PCGF3: variants seen among roughly 807,000 people sequenced by gnomAD.
The protein encoded by PCGF3 is polycomb group ring finger 3.
Under a neutral mutation model 33.1 loss-of-function variants are expected in PCGF3, and 7 were observed. The ratio of observed to expected loss-of-function variants is 0.21; its 90% CI spans 0.12 to 0.40. The LOEUF (loss-of-function observed/expected upper bound fraction) is 0.40. Ranked by LOEUF, PCGF3 falls within the 10% of genes least tolerant of loss-of-function variation. PCGF3 has a pLI of 1.00. For synonymous variants in PCGF3, 153 were observed against 121.3 expected (o/e 1.26, Z -1.72); for missense variants, 211 against 313.3 (o/e 0.67, Z 2.46).
At chr4:761,803 C>T (rs1251659418) in intron 9 of PCGF3, 1 of 985,322 alleles carries the variant, frequency 1.0e-6, no homozygotes, top group Admixed American at 6.1e-5. Flanking sequence ...GGAGTGCTGG[C>T]ATGAGGCGGC....
At chr4:766,518 C>T (rs575026015) in exon 11 of PCGF3, 2 of 154,110 alleles carry the variant, frequency 1.3e-5, no homozygotes, top group African/African-American at 2.4e-5. Context: ...GAAAAAATGT[C>T]TTTTCATGGT....
intron 1 of PCGF3, among the ~76,000 whole-genome samples, chr4:712,751 A>T (rs1015602103): frequency 6.6e-6 from 1 of 151,996 alleles, no homozygotes; most frequent in African/African-American, 2.4e-5. Context: ...CGGCCAATAA[A>T]CTCTAATATT....
chr4:763,865 T>A (rs564124655), intron 9 of PCGF3, among the ~76,000 whole-genome samples: 8 of 152,220 alleles, frequency 5.3e-5, no homozygotes, highest in Admixed American at 1.3e-4. Context: ...TGGACTATTA[T>A]CCAGTACTGA....
chr4:756,983 C>T (rs757769428), intron 8 of PCGF3: 4 of 152,158 alleles, frequency 2.6e-5, no homozygotes, highest in Admixed American at 6.5e-5. Flanking sequence ...ATGCTTGTAA[C>T]TTAGTGTATT....
In PCGF3 at chr4:734,642, G is replaced by C. The variant is rs1743755429; in HGVS notation, c.110-289G>C. On this transcript the variant is annotated intron_variant, in intron 4 of 10. Coordinates refer to ENST00000362003, the Ensembl canonical transcript of PCGF3. ...TTAGCCCATGTTCTGATGACCCACA[G>C]CTCTGTCACCTTTGAGCATCATCTC... 13 of 1,267,718 alleles carry C rather than the reference G, an allele frequency of 1.0e-5. No individual in the cohort carries two copies. In the East Asian group the frequency reaches 4.4e-4, roughly 43 times the overall value. The allele number at this position is 1,267,718 out of a possible 1,614,324, so 78.5% of individuals were successfully genotyped here.
intron 10 of PCGF3, among the ~76,000 whole-genome samples, chr4:765,830 A>C (rs566360079): frequency 1.3e-5 from 2 of 152,214 alleles, no homozygotes; most frequent in South Asian, 4.2e-4. Context: ...GCCAGGGGAG[A>C]GGGCACATGT....
chr4:761,103 T>C (rs1043072040), intron 8 of PCGF3, among the ~76,000 whole-genome samples, 176 bp from the exon 9 acceptor site: 1 of 152,222 alleles, frequency 6.6e-6, no homozygotes, highest in Non-Finnish European at 1.5e-5. Flanking sequence ...ATAAACAGGT[T>C]TTCAGATAAG....
chr4:710,484 T>G (rs1742517244), intron 1 of PCGF3, among the ~76,000 whole-genome samples: 2 of 152,230 alleles, frequency 1.3e-5, no homozygotes, highest in South Asian at 4.1e-4. Context: ...ACTTAAAGCC[T>G]GCCCAGCACA....
chr4:719,633 A>T (rs1742995376), intron 1 of PCGF3, among the ~76,000 whole-genome samples: 1 of 152,178 alleles, frequency 6.6e-6, no homozygotes, highest in African/African-American at 2.4e-5. Context: ...TGGAGAAGGG[A>T]TGGTGTGTGA....
chr4:710,264 C>T (rs866602835), intron 1 of PCGF3, among the ~76,000 whole-genome samples: 10 of 152,340 alleles, frequency 6.6e-5, no homozygotes, highest in East Asian at 1.9e-4. Context: ...GGCTGTGTCA[C>T]GTGACTGTGG....
At chr4:733,578 C>A in intron 3 of PCGF3, 94 bp from the exon 4 acceptor site, 2 of 1,326,496 alleles carry the variant, frequency 1.5e-6, no homozygotes, top group South Asian at 1.4e-5. Flanking sequence ...TCAGGGCCTG[C>A]ACTGTCCTCC....
rs1743072184 is a variant in PCGF3 at position 721,448 on chromosome 4, C to T, written c.-189-9182C>T. Among the ~76,000 whole-genome samples, 1 of 152,152 alleles carries T rather than the reference C, an allele frequency of 6.6e-6. No homozygotes were observed. Among genetic ancestry groups the T allele is most frequent in the Non-Finnish European group, 1.5e-5 (1 of 68,026 alleles). On this transcript the variant is annotated intron_variant, in intron 1 of 10. Coordinates refer to ENST00000362003, the Ensembl canonical transcript of PCGF3. This position sits in a 1 kb window ranked among gnomAD's most constrained non-coding sequence, Gnocchi z 4.1. ...AGGAAGGCTGGGCTGGGCAGTCAGCCAGACGGGAAAGGGGGCTGAGGCGTC... is the reference window on the plus strand; with the variant it reads ...AGGAAGGCTGGGCTGGGCAGTCAGCTAGACGGGAAAGGGGGCTGAGGCGTC...
intron 1 of PCGF3, among the ~76,000 whole-genome samples, chr4:717,933 T>C (rs1011489669): frequency 2.0e-5 from 3 of 152,146 alleles, no homozygotes; most frequent in Non-Finnish European, 4.4e-5. Flanking sequence ...CCACTCAGGC[T>C]TGTGTGTTCG....
rs566412035 is a variant in PCGF3, at chr4:742,698, G to C, written c.263-776G>C. Among the ~76,000 whole-genome samples, 947 of 152,314 alleles carry C rather than the reference G, an allele frequency of 6.2e-3. 7 individuals are homozygous for C. Among genetic ancestry groups the C allele is most frequent in the Middle Eastern group, 0.017 (5 of 294 alleles). On this transcript the variant is annotated intron_variant, in intron 6 of 10. Coordinates refer to ENST00000362003, the Ensembl canonical transcript of PCGF3. Reference sequence around the variant, plus strand: ...TGGAGGGTCAGGCCTCCTCTGGTCCGGCCAGAGGTGACCCAATGGCAGGTG... The same window carrying C: ...TGGAGGGTCAGGCCTCCTCTGGTCCCGCCAGAGGTGACCCAATGGCAGGTG...
At chr4:727,233 C>CTTTTTTTGTTTTTTTTTTTTTT in intron 1 of PCGF3, among the ~76,000 whole-genome samples, 1 of 61,892 alleles carries the variant, frequency 1.6e-5, no homozygotes, top group Non-Finnish European at 2.9e-5. Flanking sequence ...TAGCGAGCGT[C>CTTTTTTTGTTTTTTTTTTTTTT]TTTTTTTTTT....
chr4:720,230 G>A lies in PCGF3; in HGVS notation c.-189-10400G>A, dbSNP rs11248035. ...AGGTGGCACACAGCACCTGTGTGCC[G>A]CTGGGGAGGGTGACCGCGGGAGGAG... is the stretch of plus-strand genomic sequence containing the variant. On this transcript the variant is annotated intron_variant, in intron 1 of 10. Transcript: ENST00000362003. This position sits in a 1 kb window ranked among gnomAD's most constrained non-coding sequence, Gnocchi z 5.6. Among the ~76,000 whole-genome samples, 38,662 of 151,956 alleles carry A rather than the reference G, an allele frequency of 0.25. 5,285 individuals carry two copies. The highest frequency in any genetic ancestry group is 0.36 in the South Asian group (1,721 of 4,814).
chr4:708,704 C>T (rs1742439444), intron 1 of PCGF3, among the ~76,000 whole-genome samples: 1 of 152,194 alleles, frequency 6.6e-6, no homozygotes, highest in Non-Finnish European at 1.5e-5. Context: ...CCCTCCTGCC[C>T]CTCTCCCCAT....
At position 721,878 on chromosome 4, in the gene PCGF3, G is replaced by T. The variant is rs1188016990; in HGVS notation, c.-189-8752G>T. Among the ~76,000 whole-genome samples, 1 of 149,864 alleles carries T rather than the reference G, an allele frequency of 6.7e-6. No homozygotes were observed. The highest frequency in any genetic ancestry group is 1.5e-5 in the Non-Finnish European group (1 of 67,878). On this transcript the variant is annotated intron_variant, in intron 1 of 10. Transcript: ENST00000362003. The surrounding 1 kb of genome is among the most constrained non-coding windows in gnomAD (Gnocchi z 4.1). ...AGAGGCCTGTGGGAGACTGGTGGAT[G>T]GGTGGCTCTGCGTGTGGGCGTGGAG...
At chr4:728,337 C>T (rs1743412442) in intron 1 of PCGF3, among the ~76,000 whole-genome samples, 1 of 151,496 alleles carries the variant, frequency 6.6e-6, no homozygotes, top group Non-Finnish European at 1.5e-5. Context: ...CGTAAGTAAT[C>T]TGGGGATGGC....
Sources: gnomAD v4.1 joint callset for allele counts (sites outside exome capture counted in the v4.1 genomes callset) on GRCh38, gnomAD v4.1.1 for gene constraint, Gnocchi (gnomAD v3.1) non-coding constraint, MANE v1.5 for transcripts, NCBI Gene and HGNC (gene_info 2026-07-23, HGNC 2026-07-21) for gene names.